MED17: variants seen among roughly 807,000 people sequenced by gnomAD.
The protein encoded by MED17 is mediator of RNA polymerase II transcription subunit 17.
Under a neutral mutation model 80.8 loss-of-function variants are expected in MED17, and 49 were observed. That is an observed-to-expected ratio of 0.61 (90% CI 0.48 to 0.77). The LOEUF (loss-of-function observed/expected upper bound fraction) is 0.77. Ranked by LOEUF, MED17 falls within the 30% of genes least tolerant of loss-of-function variation. The pLI, the probability that MED17 is intolerant of heterozygous loss-of-function variation, is 0.00. For missense variants in MED17, 718 were observed against 787.0 expected, an observed-to-expected ratio of 0.91 and a Z score of 1.05; for synonymous variants, 281 against 280.4, an observed-to-expected ratio of 1.00 and a Z score of -0.02.
chr11:93,810,938 A>T (rs1944080510), intron 11 of MED17: 1 of 152,264 alleles, frequency 6.6e-6, no homozygotes, highest in Non-Finnish European at 1.5e-5. Context: ...ACAGCCCTAG[A>T]TGGTACAGCC....
chr11:93,785,979 G>C (rs1235359242), intron 1 of MED17, among the ~76,000 whole-genome samples: 1 of 148,042 alleles, frequency 6.8e-6, no homozygotes, highest in Non-Finnish European at 1.5e-5. Flanking sequence ...ACTCCAGCCT[G>C]GGTAACAGAA....
chr11:93,784,380 G>C lies in MED17; in HGVS notation c.-134G>C. On this transcript the variant is annotated 5_prime_UTR_variant, in exon 1 of 12. Coordinates refer to ENST00000251871, the MANE Select transcript of MED17 (RefSeq NM_004268.5). ...TGTTTCCAGTCTGAGCGTTGCGTTC[G>C]GTTTCCCGAGGGTCTTCTGAGGCAC... 8.5e-7 allele frequency: 1 copy of C among 1,171,866 alleles called. No homozygotes were observed. Among genetic ancestry groups the C allele is most frequent in the Non-Finnish European group, 1.2e-6 (1 of 858,232 alleles). The allele number at this position is 1,171,866 out of a possible 1,614,324, so 72.6% of individuals were successfully genotyped here.
intron 9 of MED17, 97 bp downstream of exon 9, chr11:93,802,069 GGTGGCATAATATTTCTGTAAA>G: frequency 7.8e-6 from 9 of 1,157,642 alleles, no homozygotes; most frequent in Non-Finnish European, 1.1e-5. Context: ...TATTTGCTAG[GGTGGCATAATATTTCTGTAAA>G]TTATATAAGC....
intron 9 of MED17, among the ~76,000 whole-genome samples, chr11:93,805,827 G>A (rs896384272): frequency 6.6e-6 from 1 of 152,058 alleles, no homozygotes; most frequent in African/African-American, 2.4e-5. Flanking sequence ...AGCCAGGCAT[G>A]GTTGCACACA....
chr11:93,808,185 A>G (rs113109460), intron 10 of MED17: 119 of 169,466 alleles, frequency 7.0e-4, no homozygotes, highest in African/African-American at 2.7e-3. Context: ...GCAACATAGC[A>G]AGACCCCTGT....
intron 9 of MED17, among the ~76,000 whole-genome samples, chr11:93,803,679 A>T (rs1333342366): frequency 2.6e-5 from 4 of 152,068 alleles, no homozygotes; most frequent in Non-Finnish European, 5.9e-5. Flanking sequence ...TGTGTTTAAA[A>T]TTTTCCATAG....
chr11:93,786,040 G>A (rs1268530711), intron 1 of MED17, among the ~76,000 whole-genome samples: 1 of 152,048 alleles, frequency 6.6e-6, no homozygotes, highest in Non-Finnish European at 1.5e-5. Context: ...ACCTTACAAA[G>A]TATAGATATA....
Position 93,784,782 on chromosome 11 carries a change from G to A in MED17, c.250+19G>A. ...GAGGAAGGTAAGGCCTGCATCCGCT[G>A]CCCGAGTCCCCCGGTCTGGGTCCCA... is the stretch of plus-strand genomic sequence containing the variant. On this transcript the variant is annotated intron_variant, in intron 1 of 11. Transcript: ENST00000251871. 1 of 1,534,948 alleles carries A rather than the reference G, an allele frequency of 6.5e-7. No homozygotes were observed. The highest frequency in any genetic ancestry group is 8.7e-7 in the Non-Finnish European group (1 of 1,146,922).
chr11:93,796,838 T>C (rs1943908919), intron 7 of MED17: 12 of 387,320 alleles, frequency 3.1e-5, no homozygotes, highest in South Asian at 2.6e-4. Context: ...TAAGGGAAAA[T>C]GTCTTGCCAG....
chr11:93,802,830 A>G (rs1302278604), intron 9 of MED17, among the ~76,000 whole-genome samples: 1 of 152,196 alleles, frequency 6.6e-6, no homozygotes, highest in Admixed American at 6.5e-5. Context: ...CCCAGGCTTC[A>G]TAGGAATGCA....
chr11:93,793,612 G>T (rs1313663946), intron 3 of MED17, 116 bp from the exon 4 acceptor site: 2 of 769,880 alleles, frequency 2.6e-6, no homozygotes, highest in Non-Finnish European at 4.3e-6. Flanking sequence ...ATGTTTTTTA[G>T]TGGGGACTTA....
chr11:93,786,468 G>GT (rs1354889859), intron 1 of MED17, among the ~76,000 whole-genome samples: 2 of 148,302 alleles, frequency 1.3e-5, no homozygotes, highest in African/African-American at 5.0e-5. Flanking sequence ...TTTTTGGTTT[G>GT]TTTTGTTTTT....
At chr11:93,802,066 TA>T (rs1217707084) in intron 9 of MED17, 94 bp downstream of exon 9, 2 of 1,165,484 alleles carry the variant, frequency 1.7e-6, no homozygotes, top group East Asian at 5.1e-5. Flanking sequence ...TTTTATTTGC[TA>T]GGGTGGCATA....
Position 93,810,318 on chromosome 11 carries a change from T to C in MED17, c.1744+442T>C, listed in dbSNP as rs977847763. 5.2e-5 allele frequency: 8 copies of C among 153,256 alleles called. No homozygotes were observed. The East Asian group carries it at 1.5e-3, about 29-fold the overall frequency. 9.5% of individuals were successfully genotyped at this position (153,256 alleles called of 1,614,324 possible). On this transcript the variant is annotated intron_variant, in intron 11 of 11. Transcript: ENST00000251871. ...TAACAGTTTTTAAAATATTCTAAAA[T>C]AAATAATTAAAAATAATTTTAAATA...
At chr11:93,789,371 A>G (rs1943806778) in intron 2 of MED17, 1 of 152,142 alleles carries the variant, frequency 6.6e-6, no homozygotes, top group Non-Finnish European at 1.5e-5. Context: ...CCAGCACCTA[A>G]CTCATAGCCC....
chr11:93,805,254 A>G (rs935441589), intron 9 of MED17, among the ~76,000 whole-genome samples: 6 of 152,192 alleles, frequency 3.9e-5, no homozygotes, highest in African/African-American at 1.2e-4. Context: ...ACACAGGTCT[A>G]TCCATTTATA....
chr11:93,796,431 T>C lies in MED17; in HGVS notation c.1034T>C (p.Leu345Ser). The C allele has an allele frequency of 6.2e-7, 1 of 1,613,056 alleles. No homozygotes were observed. The highest frequency in any genetic ancestry group is 8.5e-7 in the Non-Finnish European group (1 of 1,179,042). Residue 345 changes from leucine to serine, a missense_variant, in exon 7 of 12, where the codon TTG becomes TCG. Physicochemically the swap from Leu to Ser is moderately radical, Grantham distance 145. Transcript: ENST00000251871. The stretch of plus-strand genomic sequence containing the variant: ...ATAGGCTTGCAGTTATCTATTTCTT[T>C]GTGCCATTCCTCAAATGATAAGAAA... ...PFPSLQLSIS[L>S]CHSSNDKKSQ...
Position 93,794,651 on chromosome 11 carries a change from C to T in MED17, c.860-257C>T, listed in dbSNP as rs143497535. 227 of 540,880 alleles carry T rather than the reference C, an allele frequency of 4.2e-4. No homozygotes were observed. In the East Asian group the frequency reaches 7.5e-3, roughly 18 times the overall value. The allele number at this position is 540,880 out of a possible 1,614,324, so 33.5% of individuals were successfully genotyped here. On this transcript the variant is annotated intron_variant, in intron 5 of 11. Coordinates refer to ENST00000251871, the MANE Select transcript of MED17 (RefSeq NM_004268.5). ...TATTGCTAATTGATACTTCCCTCTA[C>T]AGGAATTTAAACTTTCCTCTTCAGG...
At chr11:93,787,051 G>A (rs1054906787) in intron 1 of MED17, among the ~76,000 whole-genome samples, 9 of 146,684 alleles carry the variant, frequency 6.1e-5, no homozygotes, top group Non-Finnish European at 4.5e-5. Context: ...AAGTGGGGGC[G>A]GGGGAAAGGC....
Sources: allele counts gnomAD v4.1 joint callset (sites outside exome capture counted in the v4.1 genomes callset), GRCh38; gene constraint gnomAD v4.1.1; transcripts MANE v1.5; gene names NCBI Gene and HGNC (gene_info 2026-07-23, HGNC 2026-07-21).